SERPINA11: variants seen among roughly 807,000 people sequenced by gnomAD.
SERPINA11 encodes the protein serpin family A member 11.
A neutral mutation model predicts 29.4 loss-of-function variants in SERPINA11; 28 were observed. The ratio of observed to expected loss-of-function variants is 0.95; its 90% CI spans 0.70 to 1.30. The LOEUF (loss-of-function observed/expected upper bound fraction) is 1.30. Among genes scored for constraint, SERPINA11 ranks in the 50% most tolerant of loss-of-function variants. The pLI is 0.00. For synonymous variants in SERPINA11, 253 were observed against 206.6 expected (o/e 1.22, Z -1.92); for missense variants, 530 against 507.3 (o/e 1.04, Z -0.43).
At chr14:94,450,624 G>C (rs1288445377) in intron 1 of SERPINA11, among the ~76,000 whole-genome samples, 3 of 152,194 alleles carry the variant, frequency 2.0e-5, no homozygotes, top group Admixed American at 6.5e-5. Flanking sequence ...TGTTTAAGCT[G>C]CCTGGCATGT....
In SERPINA11 at chr14:94,446,564, C is replaced by T. The variant is rs761888389; in HGVS notation, c.684G>A (p.Lys228=). The T allele has an allele frequency of 1.7e-5, 27 of 1,614,056 alleles. No individual in the cohort carries two copies. Among genetic ancestry groups the T allele is most frequent in the Non-Finnish European group, 2.3e-5 (27 of 1,180,022 alleles). ...KHPFSRYQTQ[K]QESFFVDERT... is the part of the protein sequence containing the mutation. ...TCTCATCCACAAAGAAACTTTCCTG[C>T]TTCTGGGTCTGGTAGCGACTGAAAG... Residue 228 remains lysine (K), a synonymous_variant, in exon 3 of 5, where the codon AAG becomes AAA. Coordinates refer to ENST00000334708, the MANE Select transcript of SERPINA11 (RefSeq NM_001080451.2).
In SERPINA11 at chr14:94,446,313, T is replaced by A; in HGVS notation, c.917+18A>T. ...TCTTGAGCAAGGTCAGCCAGCATCC[T>A]TCTGCTGTGACACTTACCTGGGCAG... On this transcript the variant is annotated intron_variant, in intron 3 of 4. Transcript: ENST00000334708. 2.5e-6 allele frequency: 4 copies of A among 1,606,882 alleles called. No homozygotes were observed. In the South Asian group the frequency reaches 3.3e-5, roughly 13 times the overall value.
intron 1 of SERPINA11, 47 bp from the exon 2 acceptor site, chr14:94,448,824 C>A (rs979254845): frequency 1.3e-6 from 2 of 1,485,082 alleles, no homozygotes; most frequent in South Asian, 1.5e-5. Context: ...TAAATAATGT[C>A]ATGATTCTCT....
rs1181478544 is a variant in SERPINA11 at position 94,448,263 on chromosome 14, G to C, written c.512C>G (p.Thr171Arg). 6.2e-7 allele frequency: 1 copy of C among 1,614,246 alleles called. No homozygotes were observed. Among genetic ancestry groups the C allele is most frequent in the Admixed American group, 1.7e-5 (1 of 60,032 alleles). Residue 171 changes from threonine to arginine, a missense_variant, in exon 2 of 5, where the codon ACA (threonine) becomes AGA (arginine). Thr to Arg is a moderately conservative substitution (Grantham distance 71, BLOSUM62 -1). Transcript: ENST00000334708. ...CTGCCTCCCAGTTGTAACAGAATCT[G>C]TGAAGTTGGCAGAAAAAGCAAAAGC... ...YGAFAFSANF[T>R]DSVTTGRQIN...
chr14:94,452,648 C>CACACACACACACACACAG (rs1231099390), intron 1 of SERPINA11, 81 bp downstream of exon 1: 1 of 144,040 alleles, frequency 6.9e-6, no homozygotes, highest in African/African-American at 2.7e-5. Flanking sequence ...CACACACACA[C>CACACACACACACACACAG]AGAGACAGAG....
chr14:94,442,481 C>A lies in SERPINA11; in HGVS notation c.*125G>T, dbSNP rs534224941. On this transcript the variant is annotated 3_prime_UTR_variant, in exon 5 of 5. Coordinates refer to ENST00000334708, the MANE Select transcript of SERPINA11 (RefSeq NM_001080451.2). ...CCTTAGTGTTCACAGAACCCAAGGT[C>A]AACTTTATTAGAATCTTGGCACACT... 514 of 682,822 alleles carry A rather than the reference C, an allele frequency of 7.5e-4. No individual in the cohort carries two copies. The Middle Eastern group carries it at 9.8e-3, about 13-fold the overall frequency. 42.3% of individuals were successfully genotyped at this position (682,822 alleles called of 1,614,324 possible).
chr14:94,448,667 G>A lies in SERPINA11; in HGVS notation c.108C>T (p.Pro36=). 1 of 1,577,162 alleles carries A rather than the reference G, an allele frequency of 6.3e-7. No homozygotes were observed. The highest frequency in any genetic ancestry group is 1.2e-5 in the South Asian group (1 of 84,664). ...GDKSLQGPQP[P]RHQLSEPAPA... is the part of the protein sequence containing the mutation. ...GGGCTGGCTCTGAGAGCTGATGCCT[G>A]GGGGGTTGAGGCCCCTGCAGACTTT... The change falls in exon 2 of 5, where the codon CCC becomes CCT. Residue 36 remains proline, a synonymous_variant. Transcript: ENST00000334708.
Position 94,442,572 on chromosome 14 carries a change from A to G in SERPINA11, c.*34T>C. On this transcript the variant is annotated 3_prime_UTR_variant, in exon 5 of 5. Transcript: ENST00000334708. The stretch of plus-strand genomic sequence containing the variant: ...TTCTGGCCTATCTGTTTGGTCCAGG[A>G]TGAGATAAGATAACTCCTGGCCTCC... The G allele has an allele frequency of 2.0e-6, 3 of 1,521,126 alleles. No individual in the cohort carries two copies. The highest frequency in any genetic ancestry group is 2.7e-6 in the Non-Finnish European group (3 of 1,111,906). The allele number at this position is 1,521,126 out of a possible 1,614,324, so 94.2% of individuals were successfully genotyped here. A position where few individuals can be genotyped will look rare whatever the true frequency, so the allele number is the denominator to read the frequency against.
chr14:94,449,039 G>C (rs1275965121), intron 1 of SERPINA11, among the ~76,000 whole-genome samples: 1 of 152,144 alleles, frequency 6.6e-6, no homozygotes, highest in Non-Finnish European at 1.5e-5. Flanking sequence ...TAAAACAATA[G>C]CAATAACAAC....
chr14:94,448,905 C>T (rs1898502444), intron 1 of SERPINA11, 128 bp from the exon 2 acceptor site: 1 of 790,980 alleles, frequency 1.3e-6, no homozygotes, highest in Non-Finnish European at 1.9e-6. Context: ...CTGAAGAAGA[C>T]AAGGCTGTGG....
chr14:94,449,944 A>G (rs1898556732), intron 1 of SERPINA11, among the ~76,000 whole-genome samples: 1 of 152,172 alleles, frequency 6.6e-6, no homozygotes, highest in African/African-American at 2.4e-5. Flanking sequence ...GCCCCAAGAG[A>G]AAGAAGAGTG....
At chr14:94,446,709 C>CA (rs1384271244) in intron 2 of SERPINA11, 105 bp from the exon 3 acceptor site, 10 of 1,164,264 alleles carry the variant, frequency 8.6e-6, no homozygotes, top group East Asian at 7.0e-5. Context: ...AAGTATGTGG[C>CA]AAAAAATGTG....
intron 3 of SERPINA11, among the ~76,000 whole-genome samples, chr14:94,444,882 T>C (rs1245689330): frequency 3.3e-5 from 5 of 152,162 alleles, no homozygotes; most frequent in African/African-American, 1.2e-4. Flanking sequence ...ACCCAGCCAT[T>C]GGCTCTCCAA....
At chr14:94,450,297 T>A (rs1260572120) in intron 1 of SERPINA11, among the ~76,000 whole-genome samples, 1 of 152,084 alleles carries the variant, frequency 6.6e-6, no homozygotes, top group Non-Finnish European at 1.5e-5. Context: ...GGAAATAGGG[T>A]CATTGGAGAT....
intron 4 of SERPINA11, 62 bp downstream of exon 4, chr14:94,443,016 C>G (rs1898372173): frequency 6.5e-7 from 1 of 1,538,874 alleles, no homozygotes; most frequent in African/African-American, 1.4e-5. Flanking sequence ...GTCCCACATG[C>G]CAAAGGAGAA....
At chr14:94,447,140 T>C (rs1898459378) in intron 2 of SERPINA11, among the ~76,000 whole-genome samples, 1 of 152,106 alleles carries the variant, frequency 6.6e-6, no homozygotes, top group African/African-American at 2.4e-5. Flanking sequence ...AACTCCCTAA[T>C]CTTCAAACTG....
intron 3 of SERPINA11, among the ~76,000 whole-genome samples, chr14:94,445,045 G>A (rs934909777): frequency 1.3e-5 from 2 of 152,178 alleles, no homozygotes; most frequent in African/African-American, 4.8e-5. Flanking sequence ...TATTAACTAT[G>A]CTGATCTGCT....
At chr14:94,448,049 A>G in intron 2 of SERPINA11, 83 bp downstream of exon 2, 1 of 1,357,630 alleles carries the variant, frequency 7.4e-7, no homozygotes, top group Admixed American at 1.9e-5. Context: ...AGTGGTTAGC[A>G]AAGAACCTAT....
intron 1 of SERPINA11, among the ~76,000 whole-genome samples, chr14:94,449,034 C>T (rs1357719727): frequency 1.3e-5 from 2 of 152,164 alleles, no homozygotes; most frequent in Admixed American, 6.5e-5. Flanking sequence ...GACTATAAAA[C>T]AATAGCAATA....
Sources: gnomAD v4.1 joint callset for allele counts (sites outside exome capture counted in the v4.1 genomes callset) on GRCh38, gnomAD v4.1.1 for gene constraint, MANE v1.5 for transcripts, NCBI Gene and HGNC (gene_info 2026-07-23, HGNC 2026-07-21) for gene names.